The following TENM2 variants were observed in gnomAD, a reference collection of about 807,000 sequenced individuals.
The protein encoded by TENM2 is teneurin transmembrane protein 2.
TENM2 carries 52 observed loss-of-function variants against 245.2 expected under a neutral mutation model. That is an observed-to-expected ratio of 0.21 (90% CI 0.17 to 0.27). The LOEUF is 0.27. Ranked by LOEUF, TENM2 falls within the 10% of genes least tolerant of loss-of-function variation. The probability of loss-of-function intolerance (pLI) is 1.00; values close to 1 mark genes in which losing one functional copy is unlikely to be tolerated. For missense variants in TENM2, 3,046 were observed against 3,666.8 expected, an observed-to-expected ratio of 0.83 and a Z score of 4.37; for synonymous variants, 1,363 against 1,438.9, an observed-to-expected ratio of 0.95 and a Z score of 1.19.
chr5:167,092,086 C>T, the TENM2 span, among the ~76,000 whole-genome samples: 2 of 152,140 alleles, frequency 1.3e-5, no homozygotes, highest in Admixed American at 6.6e-5. Flanking sequence ...GGTTGGGAAA[C>T]TACAGCCTGT....
the TENM2 span, among the ~76,000 whole-genome samples, chr5:167,259,045 T>A: frequency 6.6e-6 from 1 of 151,956 alleles, no homozygotes; most frequent in African/African-American, 2.4e-5. Flanking sequence ...ACTCCCAGAG[T>A]TTCTGATTCA....
the TENM2 span, among the ~76,000 whole-genome samples, chr5:166,995,906 G>A: frequency 6.6e-6 from 1 of 150,718 alleles, no homozygotes; most frequent in Non-Finnish European, 1.5e-5. Context: ...GAAAAAATAC[G>A]TGTTGAGGGA....
the TENM2 span, among the ~76,000 whole-genome samples, chr5:167,068,283 C>T: frequency 6.6e-6 from 1 of 152,128 alleles, no homozygotes; most frequent in South Asian, 2.1e-4. Context: ...CATTAGTGCC[C>T]AGTCACAATC....
At chr5:168,099,215 T>G (rs1210590831) in intron 9 of TENM2, among the ~76,000 whole-genome samples, 1 of 152,286 alleles carries the variant, frequency 6.6e-6, no homozygotes, top group East Asian at 1.9e-4. Context: ...CGGCCTCGTT[T>G]TTTTTTAATA....
At chr5:168,113,356 A>T (rs1794830570) in intron 9 of TENM2, among the ~76,000 whole-genome samples, 1 of 152,160 alleles carries the variant, frequency 6.6e-6, no homozygotes, top group African/African-American at 2.4e-5. Context: ...AAAATGAAAT[A>T]AGTATAAAAC....
At chr5:167,980,219 G>A (rs1270404161) in intron 4 of TENM2, among the ~76,000 whole-genome samples, 1 of 152,168 alleles carries the variant, frequency 6.6e-6, no homozygotes, top group Non-Finnish European at 1.5e-5. Context: ...TGTTAAATGA[G>A]ATATCTCAAT....
chr5:167,057,396 C>T, the TENM2 span, among the ~76,000 whole-genome samples: 1 of 152,220 alleles, frequency 6.6e-6, no homozygotes, highest in African/African-American at 2.4e-5. Flanking sequence ...TTATGTCTTG[C>T]AACTTTTTGT....
the TENM2 span, among the ~76,000 whole-genome samples, chr5:167,040,547 A>G: frequency 6.6e-6 from 1 of 152,038 alleles, no homozygotes; most frequent in South Asian, 2.1e-4. Context: ...GCAGATACCT[A>G]AGAGTGCTAT....
chr5:167,389,957 G>C (rs991929335), intron 2 of TENM2, among the ~76,000 whole-genome samples: 1 of 152,134 alleles, frequency 6.6e-6, no homozygotes, highest in African/African-American at 2.4e-5. Flanking sequence ...GAAAGATAGT[G>C]GGACGATGCA....
intron 2 of TENM2, among the ~76,000 whole-genome samples, chr5:167,773,111 A>C (rs1763510863): frequency 6.6e-6 from 1 of 152,212 alleles, no homozygotes; most frequent in Non-Finnish European, 1.5e-5. Context: ...TTTCAAGTTT[A>C]GCATTTGTGT....
chr5:167,622,910 T>G lies in TENM2; in HGVS notation c.502+247437T>G, dbSNP rs568946919. Among the ~76,000 whole-genome samples, 8 of 152,274 alleles carry G rather than the reference T, an allele frequency of 5.3e-5. No individual in the cohort carries two copies. The East Asian group carries it at 1.5e-3, about 29-fold the overall frequency. On this transcript the variant is annotated intron_variant, in intron 2 of 28. Transcript: ENST00000518659. ...CCACGGTCTTGTCAAAGCTGCATTG[T>G]GTTATTATCAGTTTGTTCTTGCTGC... is the stretch of plus-strand genomic sequence containing the variant.
chr5:167,997,428 T>C (rs1784136042), intron 5 of TENM2, among the ~76,000 whole-genome samples: 1 of 152,234 alleles, frequency 6.6e-6, no homozygotes, highest in South Asian at 2.1e-4. Context: ...ATAGAAACTA[T>C]AGCCCCTCCG....
chr5:167,789,598 G>A (rs908103113), intron 2 of TENM2, among the ~76,000 whole-genome samples: 1 of 152,310 alleles, frequency 6.6e-6, no homozygotes, highest in Non-Finnish European at 1.5e-5. Flanking sequence ...TCCACATAAA[G>A]TCATTTGGGT....
chr5:167,440,388 A>G (rs140915062), intron 2 of TENM2, among the ~76,000 whole-genome samples: 3 of 152,312 alleles, frequency 2.0e-5, no homozygotes, highest in African/African-American at 7.2e-5. Flanking sequence ...GCCCATTGGA[A>G]ATGGCTTCCT....
the TENM2 span, among the ~76,000 whole-genome samples, chr5:167,279,386 T>G: frequency 6.6e-6 from 1 of 152,190 alleles, no homozygotes; most frequent in Non-Finnish European, 1.5e-5. Context: ...TCTGATGACA[T>G]GAACATTAGG....
chr5:168,183,683 A>T (rs1302862179), intron 13 of TENM2, among the ~76,000 whole-genome samples: 1 of 151,092 alleles, frequency 6.6e-6, no homozygotes, highest in Non-Finnish European at 1.5e-5. Flanking sequence ...TTAATTTTTC[A>T]CCTCTTCATC....
chr5:168,226,183 T>C, exon 24 of TENM2: 2 of 1,613,742 alleles, frequency 1.2e-6, no homozygotes, highest in Non-Finnish European at 8.5e-7. Context: ...ACCATTGACA[T>C]TGAGAACTCC....
At chr5:167,839,418 CAT>C (rs1769280874) in intron 2 of TENM2, among the ~76,000 whole-genome samples, 1 of 152,144 alleles carries the variant, frequency 6.6e-6, no homozygotes, top group South Asian at 2.1e-4. Context: ...GTGAACCTGT[CAT>C]ATGACATTTG....
chr5:167,906,924 C>T (rs1776125157), intron 3 of TENM2, among the ~76,000 whole-genome samples: 1 of 152,148 alleles, frequency 6.6e-6, no homozygotes, highest in Non-Finnish European at 1.5e-5. Flanking sequence ...GATGATGCAG[C>T]AGACGACATC....
Sources: gnomAD v4.1 joint callset for allele counts (sites outside exome capture counted in the v4.1 genomes callset) on GRCh38, gnomAD v4.1.1 for gene constraint, MANE v1.5 for transcripts, NCBI Gene and HGNC (gene_info 2026-07-23, HGNC 2026-07-21) for gene names.